The following ERC2 variants were observed in gnomAD, a reference collection of about 807,000 sequenced individuals.
The protein encoded by ERC2 is ELKS/RAB6-interacting/CAST family member 2.
Under a neutral mutation model 114.8 loss-of-function variants are expected in ERC2, and 42 were observed. The ratio of observed to expected loss-of-function variants is 0.37; its 90% CI spans 0.29 to 0.47. The LOEUF (loss-of-function observed/expected upper bound fraction) is 0.47. Ranked by LOEUF, ERC2 falls within the 20% of genes least tolerant of loss-of-function variation. The pLI, the probability that ERC2 is intolerant of heterozygous loss-of-function variation, is 0.99. For missense variants in ERC2, 939 were observed against 1,150.7 expected, an observed-to-expected ratio of 0.82 and a Z score of 2.66; for synonymous variants, 454 against 425.5, an observed-to-expected ratio of 1.07 and a Z score of -0.82.
intron 10 of ERC2, among the ~76,000 whole-genome samples, chr3:55,992,712 G>T (rs1471989600): frequency 2.0e-5 from 3 of 152,104 alleles, no homozygotes; most frequent in Non-Finnish European, 4.4e-5. Context: ...CACATGTAAA[G>T]CCAGATAACA....
intron 14 of ERC2, among the ~76,000 whole-genome samples, chr3:55,785,013 A>G (rs558416578): frequency 6.6e-6 from 1 of 152,302 alleles, no homozygotes; most frequent in South Asian, 2.1e-4. Flanking sequence ...AAGCCTCACG[A>G]AGGAAGGAAG....
intron 3 of ERC2, among the ~76,000 whole-genome samples, chr3:56,204,051 G>A (rs370035761): frequency 6.2e-4 from 94 of 152,250 alleles, no homozygotes; most frequent in African/African-American, 1.9e-3. Context: ...TTAGCCGGGC[G>A]TGGTGGCAGT....
chr3:55,902,809 A>C (rs771070023), intron 13 of ERC2, among the ~76,000 whole-genome samples: 17 of 152,100 alleles, frequency 1.1e-4, no homozygotes, highest in Non-Finnish European at 1.8e-4. Flanking sequence ...CTGGCTCCAC[A>C]CCAGAGATTA....
At chr3:55,588,329 T>C (rs1268041941) in intron 17 of ERC2, among the ~76,000 whole-genome samples, 1 of 151,684 alleles carries the variant, frequency 6.6e-6, no homozygotes, top group African/African-American at 2.4e-5. Context: ...CAGGGTGATG[T>C]GGAGTGCATC....
chr3:56,380,487 T>C (rs936391092), intron 2 of ERC2, among the ~76,000 whole-genome samples: 2 of 152,072 alleles, frequency 1.3e-5, no homozygotes, highest in African/African-American at 4.8e-5. Context: ...AATCACCTTT[T>C]GTGTCTCCTT....
At chr3:55,845,996 T>C (rs2061346683) in intron 14 of ERC2, among the ~76,000 whole-genome samples, 1 of 152,244 alleles carries the variant, frequency 6.6e-6, no homozygotes, top group Non-Finnish European at 1.5e-5. Context: ...ATTATATCAT[T>C]CTTTTTTTAA....
intron 14 of ERC2, among the ~76,000 whole-genome samples, chr3:55,736,472 T>C (rs934755038): frequency 1.3e-5 from 2 of 152,218 alleles, no homozygotes; most frequent in African/African-American, 4.8e-5. Flanking sequence ...CATGTCCAAG[T>C]CGGTCATCTG....
chr3:56,440,409 G>T (rs567578068), intron 1 of ERC2, among the ~76,000 whole-genome samples: 3 of 152,096 alleles, frequency 2.0e-5, no homozygotes, highest in Non-Finnish European at 2.9e-5. Context: ...TTAGCCAGGC[G>T]TGGTGGTGGG....
Position 56,277,524 on chromosome 3 carries a change from C to CA in ERC2, c.1074+18494dup, listed in dbSNP as rs570632984. Among the ~76,000 whole-genome samples, 26 of 152,230 alleles carry CA rather than the reference C, an allele frequency of 1.7e-4. No homozygotes were observed. In the East Asian group the frequency reaches 3.9e-3, roughly 23 times the overall value. ...AAAACTCCAGGCTCTCCAATACCTC[C>CA]ACCCTCCTCATTCTTTAGGTTCTTA... On this transcript the variant is annotated intron_variant, in intron 3 of 17. Transcript: ENST00000288221.
rs12637692 is a variant in ERC2, at chr3:56,415,340, C to T, written c.657+19011G>A. On this transcript the variant is annotated intron_variant, in intron 2 of 17. Coordinates refer to ENST00000288221, the MANE Select transcript of ERC2 (RefSeq NM_015576.3). Reference sequence around the variant, plus strand: ...AAGGGAGAAAGTAAAATATAATTTCCAAATTTACAAAATATTTTTTAAAAA... The same window carrying T: ...AAGGGAGAAAGTAAAATATAATTTCTAAATTTACAAAATATTTTTTAAAAA... Among the ~76,000 whole-genome samples, 322 of 152,240 alleles carry T rather than the reference C, an allele frequency of 2.1e-3. 9 individuals carry two copies. In the East Asian group the frequency reaches 0.055, roughly 26 times the overall value.
intron 2 of ERC2, among the ~76,000 whole-genome samples, chr3:56,300,459 A>G (rs2055796471): frequency 1.3e-5 from 2 of 152,170 alleles, no homozygotes; most frequent in Non-Finnish European, 2.9e-5. Context: ...AAAACATCCC[A>G]AACCAAGAGG....
chr3:56,223,153 T>C (rs2050027239), intron 3 of ERC2, among the ~76,000 whole-genome samples: 1 of 152,250 alleles, frequency 6.6e-6, no homozygotes, highest in African/African-American at 2.4e-5. Flanking sequence ...CTGTGGAATC[T>C]GGACTGTCCT....
intron 7 of ERC2, among the ~76,000 whole-genome samples, chr3:56,052,865 G>A (rs2075834425): frequency 6.6e-6 from 1 of 152,114 alleles, no homozygotes; most frequent in Admixed American, 6.5e-5. Context: ...AAATAGTGGA[G>A]TTGAAGTGTC....
chr3:56,324,122 A>T (rs1196867643), intron 2 of ERC2, among the ~76,000 whole-genome samples: 1 of 152,212 alleles, frequency 6.6e-6, no homozygotes, highest in African/African-American at 2.4e-5. Context: ...TCCCTAAACA[A>T]TAACTACACT....
Position 56,256,171 on chromosome 3 carries a change from G to A in ERC2, c.1074+39848C>T, listed in dbSNP as rs550311527. 7.1e-4 allele frequency among the ~76,000 whole-genome samples: 108 copies of A among 152,308 alleles called. 1 individual carries two copies. The highest frequency in any genetic ancestry group is 1.0e-3 in the Admixed American group (16 of 15,294). ...TGAGCCATTACCCCTTCCACAGAAC[G>A]AAAGAATGCCTATGAATTGCCAGGA... On this transcript the variant is annotated intron_variant, in intron 3 of 17. Transcript: ENST00000288221.
At chr3:55,926,598 G>T (rs1490589703) in intron 13 of ERC2, among the ~76,000 whole-genome samples, 3 of 152,104 alleles carry the variant, frequency 2.0e-5, no homozygotes, top group Non-Finnish European at 2.9e-5. Context: ...TAAGATCCGG[G>T]TTTGAATCTT....
rs1157541991 is a variant in ERC2, at chr3:55,509,025, C to A, written c.*2291G>T. The A allele has an allele frequency of 2.6e-5, 4 of 152,528 alleles. No individual in the cohort carries two copies. The highest frequency in any genetic ancestry group is 5.9e-5 in the Non-Finnish European group (4 of 68,024). 9.4% of individuals were successfully genotyped at this position (152,528 alleles called of 1,614,324 possible). A position where few individuals can be genotyped will look rare whatever the true frequency, so the allele number is the denominator to read the frequency against. On this transcript the variant is annotated 3_prime_UTR_variant, in exon 18 of 18. Transcript: ENST00000288221. ...TGTGAAAAAGGGATATTTTTGGTAA[C>A]CCCCAAACATCAGAGAATATTACAC...
At chr3:56,005,612 C>T (rs1008821143) in intron 10 of ERC2, among the ~76,000 whole-genome samples, 2 of 151,890 alleles carry the variant, frequency 1.3e-5, no homozygotes, top group African/African-American at 4.8e-5. Context: ...AAATGGAGCC[C>T]CCGATCTCCA....
intron 2 of ERC2, among the ~76,000 whole-genome samples, chr3:56,306,182 A>G (rs1382102941): frequency 1.3e-5 from 2 of 152,096 alleles, no homozygotes; most frequent in Admixed American, 6.5e-5. Context: ...TTGTAGTACA[A>G]TTGCGAGTCA....
Sources: gnomAD v4.1 joint callset for allele counts (sites outside exome capture counted in the v4.1 genomes callset) on GRCh38, gnomAD v4.1.1 for gene constraint, MANE v1.5 for transcripts, NCBI Gene and HGNC (gene_info 2026-07-23, HGNC 2026-07-21) for gene names.